Variants in CPNE8 observed in about 807,000 individuals in gnomAD.
The protein encoded by CPNE8 is copine-8.
In CPNE8, 45 loss-of-function variants were observed where a neutral mutation model predicts 81.5. The ratio of observed to expected loss-of-function variants is 0.55; its 90% CI spans 0.44 to 0.71. The LOEUF is 0.71. CPNE8 is among the 30% of genes least tolerant of loss of function. CPNE8 has a pLI of 0.00. For synonymous variants in CPNE8, 252 were observed against 226.3 expected, an observed-to-expected ratio of 1.11 and a Z score of -1.02; for missense variants, 594 against 672.1, an observed-to-expected ratio of 0.88 and a Z score of 1.28.
intron 7 of CPNE8, among the ~76,000 whole-genome samples, chr12:38,768,210 G>A (rs534110850): frequency 6.6e-6 from 1 of 151,812 alleles, no homozygotes; most frequent in East Asian, 1.9e-4. Context: ...TGACCACATA[G>A]TTTATAATCT....
chr12:38,762,010 G>T, intron 9 of CPNE8, 102 bp downstream of exon 9: 1 of 506,700 alleles, frequency 2.0e-6, no homozygotes, highest in Non-Finnish European at 3.3e-6. Flanking sequence ...TGGAAAATAA[G>T]TTTAACCAAA....
intron 3 of CPNE8, among the ~76,000 whole-genome samples, chr12:38,852,354 G>C (rs1943659456): frequency 6.7e-6 from 1 of 148,924 alleles, no homozygotes; most frequent in Admixed American, 6.7e-5. Context: ...GCATGAACCT[G>C]GGAAGTGGAG....
At chr12:38,896,452 A>G (rs1944390403) in intron 1 of CPNE8, among the ~76,000 whole-genome samples, 1 of 152,072 alleles carries the variant, frequency 6.6e-6, no homozygotes, top group South Asian at 2.1e-4. Context: ...AATACATCCT[A>G]TTTTATTACA....
chr12:38,890,506 T>C (rs939298685), intron 1 of CPNE8, among the ~76,000 whole-genome samples: 2 of 152,204 alleles, frequency 1.3e-5, no homozygotes, highest in African/African-American at 4.8e-5. Flanking sequence ...TTTTCTTTAG[T>C]TGGATTTTGA....
chr12:38,775,675 T>A (rs2136889326), intron 7 of CPNE8, among the ~76,000 whole-genome samples: 1 of 152,298 alleles, frequency 6.6e-6, no homozygotes, highest in South Asian at 2.1e-4. Flanking sequence ...AAATCACAAC[T>A]GAAAGTAGCA....
chr12:38,666,074 C>T (rs1320708319), intron 19 of CPNE8, among the ~76,000 whole-genome samples: 1 of 152,058 alleles, frequency 6.6e-6, no homozygotes, highest in African/African-American at 2.4e-5. Flanking sequence ...TCACAAATAT[C>T]TTATATACTT....
At chr12:38,888,207 G>C (rs534237779) in intron 1 of CPNE8, among the ~76,000 whole-genome samples, 1 of 152,228 alleles carries the variant, frequency 6.6e-6, no homozygotes, top group African/African-American at 2.4e-5. Context: ...TTGTTCCTTT[G>C]TCTATTAGCT....
chr12:38,718,767 T>C (rs999928515), intron 13 of CPNE8, among the ~76,000 whole-genome samples: 1 of 152,220 alleles, frequency 6.6e-6, no homozygotes, highest in Non-Finnish European at 1.5e-5. Context: ...ATGTACCATG[T>C]ATTTACATTG....
chr12:38,841,314 C>T (rs755965928), intron 4 of CPNE8, among the ~76,000 whole-genome samples: 12 of 152,160 alleles, frequency 7.9e-5, no homozygotes, highest in African/African-American at 2.2e-4. Context: ...CTATAGAGAT[C>T]GAATTTCTTG....
chr12:38,860,851 A>G (rs1157050875), intron 3 of CPNE8, among the ~76,000 whole-genome samples: 1 of 152,192 alleles, frequency 6.6e-6, no homozygotes, highest in African/African-American at 2.4e-5. Context: ...AAGGGAGGGA[A>G]AACTGGGAAG....
At chr12:38,738,710 G>A (rs1225755877) in intron 10 of CPNE8, among the ~76,000 whole-genome samples, 2 of 151,754 alleles carry the variant, frequency 1.3e-5, no homozygotes, top group Non-Finnish European at 2.9e-5. Flanking sequence ...TAACTTAAAA[G>A]TAATAACTCC....
intron 18 of CPNE8, among the ~76,000 whole-genome samples, chr12:38,672,565 G>A (rs1441478847): frequency 6.6e-6 from 1 of 152,298 alleles, no homozygotes; most frequent in Non-Finnish European, 1.5e-5. Context: ...TTCTAGCCAT[G>A]GGAGACACAA....
chr12:38,660,008 A>G (rs1227149308), intron 19 of CPNE8, among the ~76,000 whole-genome samples: 1 of 152,248 alleles, frequency 6.6e-6, no homozygotes, highest in Non-Finnish European at 1.5e-5. Context: ...ATGGTTAGGA[A>G]GAATCAATAT....
At chr12:38,905,812 C>G (rs1108124), upstream of CPNE8, 3 of 985,132 alleles carry the variant, frequency 3.0e-6, no homozygotes, top group African/African-American at 5.2e-5. Context: ...GCAGCCCGGG[C>G]GGGGGACACA....
chr12:38,854,722 T>G (rs1209986868), intron 3 of CPNE8, among the ~76,000 whole-genome samples: 1 of 152,054 alleles, frequency 6.6e-6, no homozygotes, highest in African/African-American at 2.4e-5. Context: ...TAAAGAAAGT[T>G]TCCAGATAAA....
At chr12:38,896,511 T>C (rs1944391245) in intron 1 of CPNE8, among the ~76,000 whole-genome samples, 1 of 152,136 alleles carries the variant, frequency 6.6e-6, no homozygotes, top group Admixed American at 6.6e-5. Flanking sequence ...ACTACAGCAG[T>C]ATCTGTTTTA....
chr12:38,893,461 G>A (rs1944341826), intron 1 of CPNE8, among the ~76,000 whole-genome samples: 1 of 152,218 alleles, frequency 6.6e-6, no homozygotes, highest in South Asian at 2.1e-4. Context: ...ACATGAGCAA[G>A]TTACCCTCTA....
chr12:38,708,880 T>G (rs151109363), intron 13 of CPNE8, among the ~76,000 whole-genome samples: 1 of 152,224 alleles, frequency 6.6e-6, no homozygotes, highest in African/African-American at 2.4e-5. Context: ...AACAAAACTG[T>G]GATAGGGATG....
intron 3 of CPNE8, among the ~76,000 whole-genome samples, chr12:38,867,458 C>A (rs1171288324): frequency 6.6e-6 from 1 of 151,908 alleles, no homozygotes; most frequent in African/African-American, 2.4e-5. Context: ...TGGAATGGAG[C>A]AGAGTGGAGA....
Sources: gnomAD v4.1 joint callset for allele counts (sites outside exome capture counted in the v4.1 genomes callset) on GRCh38, gnomAD v4.1.1 for gene constraint, MANE v1.5 for transcripts, NCBI Gene and HGNC (gene_info 2026-07-23, HGNC 2026-07-21) for gene names.